EMC1: variants seen among roughly 807,000 people sequenced by gnomAD.
EMC1 encodes the protein KIAA0090.
In EMC1, 103 loss-of-function variants were observed where a neutral mutation model predicts 128.8. That is an observed-to-expected ratio of 0.80 (90% CI 0.68 to 0.94). The LOEUF (loss-of-function observed/expected upper bound fraction) is 0.94. EMC1 is among the 40% of genes least tolerant of loss of function. EMC1 has a pLI of 0.00. For missense variants in EMC1, 1,083 were observed against 1,250.6 expected (o/e 0.87, Z 2.02); for synonymous variants, 442 against 490.4 (o/e 0.90, Z 1.30).
At chr1:19,235,070 T>G in intron 13 of EMC1, 60 bp downstream of exon 13, 1 of 1,584,822 alleles carries the variant, frequency 6.3e-7, no homozygotes. Flanking sequence ...GTGTCTCTTG[T>G]GGTCATTTCC....
chr1:19,243,424 A>ACT (rs1364189667), intron 4 of EMC1, among the ~76,000 whole-genome samples, 190 bp downstream of exon 4: 2 of 152,196 alleles, frequency 1.3e-5, no homozygotes, highest in African/African-American at 4.8e-5. Flanking sequence ...GCACCTAGAA[A>ACT]CTCTGCATCT....
At chr1:19,233,595 G>A (rs1296694096) in intron 13 of EMC1, among the ~76,000 whole-genome samples, 2 of 152,198 alleles carry the variant, frequency 1.3e-5, no homozygotes, top group African/African-American at 2.4e-5. Context: ...TACTTTGTCA[G>A]CTGTTTAACC....
intron 17 of EMC1, 65 bp downstream of exon 17, chr1:19,230,779 G>T: frequency 6.3e-7 from 1 of 1,599,090 alleles, no homozygotes; most frequent in Non-Finnish European, 8.5e-7. Context: ...TCACTTCTTA[G>T]CCAAATGGCC....
At position 19,218,316 on chromosome 1, in the gene EMC1, T is replaced by G. The variant is rs2093407326; in HGVS notation, c.*987A>C. 6.6e-6 allele frequency: 1 copy of G among 152,196 alleles called. No homozygotes were observed. The highest frequency in any genetic ancestry group is 2.1e-4 in the South Asian group (1 of 4,830). The allele number at this position is 152,196 out of a possible 1,614,324, so 9.4% of individuals were successfully genotyped here. A position where few individuals can be genotyped will look rare whatever the true frequency, so the allele number is the denominator to read the frequency against. ...GTATGCCAGTTTCCCACCCCTACCC[T>G]CTTTCTCCTTTTTTAAAGCTTCAAA... On this transcript the variant is annotated 3_prime_UTR_variant, in exon 23 of 23. Transcript: ENST00000477853.
intron 15 of EMC1, 122 bp downstream of exon 15, chr1:19,232,502 G>A (rs1398186896): frequency 8.9e-7 from 1 of 1,129,056 alleles, no homozygotes; most frequent in Non-Finnish European, 1.3e-6. Context: ...AAGAAACAGA[G>A]TTCTAACCCC....
rs760565821 is a variant in EMC1, at chr1:19,244,033, T to C, written c.221-18A>G. Reference sequence around the variant, plus strand: ...GCGCCACACTGAGAGACATGAAAGTTAGACATTACTATGAACAAAAGGTGG... The same window carrying C: ...GCGCCACACTGAGAGACATGAAAGTCAGACATTACTATGAACAAAAGGTGG... On this transcript the variant is annotated intron_variant, in intron 2 of 22. Coordinates refer to ENST00000477853, the MANE Select transcript of EMC1 (RefSeq NM_015047.3). 51 of 1,613,450 alleles carry C rather than the reference T, an allele frequency of 3.2e-5. 1 individual carries two copies. Among genetic ancestry groups the C allele is most frequent in the East Asian group, 2.2e-5 (1 of 44,896 alleles).
At position 19,240,408 on chromosome 1, in the gene EMC1, T is replaced by C; in HGVS notation, c.675A>G (p.Gly225=). The change falls in exon 7 of 23, where the codon GGA becomes GGG. Residue 225 remains glycine (G), a synonymous_variant. Coordinates refer to ENST00000477853, the MANE Select transcript of EMC1 (RefSeq NM_015047.3). ...CAGCCTCATCCACCACACCACAGGC[T>C]CCAGACAGGTGCTGCAGCCACGGAG... The part of the protein sequence containing the change: ...VSTPWLQHLS[G]ACGVVDEAVL... 1 of 1,614,136 alleles carries C rather than the reference T, an allele frequency of 6.2e-7. No individual in the cohort carries two copies.
rs2093406213 is a variant in EMC1 at position 19,218,096 on chromosome 1, G to T, written c.*1207C>A. On this transcript the variant is annotated 3_prime_UTR_variant, in exon 23 of 23. Transcript: ENST00000477853. ...AAAGAGGACTTAAACAGTGTCATTT[G>T]TCACTTGCTTTATGCAAACATTCGA... 1 of 152,188 alleles carries T rather than the reference G, an allele frequency of 6.6e-6. No homozygotes were observed. Among genetic ancestry groups the T allele is most frequent in the Admixed American group, 6.5e-5 (1 of 15,276 alleles). The allele number at this position is 152,188 out of a possible 1,614,324, so 9.4% of individuals were successfully genotyped here.
chr1:19,232,090 T>C (rs59953698), intron 15 of EMC1, among the ~76,000 whole-genome samples: 73,990 of 151,966 alleles, frequency 0.49, 20,117 homozygotes, highest in East Asian at 0.72. Flanking sequence ...GGTGAGACCC[T>C]GTCTCTACTA....
intron 10 of EMC1, 28 bp downstream of exon 10, chr1:19,238,767 T>C: frequency 1.3e-6 from 2 of 1,544,526 alleles, no homozygotes; most frequent in Non-Finnish European, 1.8e-6. Flanking sequence ...TCTCTAGGTC[T>C]GGCATACTGC....
In EMC1 at chr1:19,216,760, G is replaced by A. The variant is rs993920106; in HGVS notation, c.*2543C>T. Reference sequence around the variant, plus strand: ...GGCTGGAATGCAGTAGCATGTTCATGGCTCACTGCAGCCTCGACCTCCCAG... The same window carrying A: ...GGCTGGAATGCAGTAGCATGTTCATAGCTCACTGCAGCCTCGACCTCCCAG... On this transcript the variant is annotated 3_prime_UTR_variant, in exon 23 of 23. Transcript: ENST00000477853. 6.6e-6 allele frequency: 1 copy of A among 152,180 alleles called. No individual in the cohort carries two copies. The highest frequency in any genetic ancestry group is 2.4e-5 in the African/African-American group (1 of 41,408). 9.4% of individuals were successfully genotyped at this position (152,180 alleles called of 1,614,324 possible).
At chr1:19,240,038 C>CCAT (rs999233920) in intron 7 of EMC1, 53 bp from the exon 8 acceptor site, 7 of 1,535,610 alleles carry the variant, frequency 4.6e-6, no homozygotes, top group Non-Finnish European at 5.3e-6. Context: ...ACTCCCTGAC[C>CCAT]CATCCCAGGC....
intron 17 of EMC1, among the ~76,000 whole-genome samples, chr1:19,228,408 C>G (rs971270463): frequency 1.3e-5 from 2 of 152,068 alleles, no homozygotes; most frequent in African/African-American, 4.8e-5. Context: ...TGTTTATGGT[C>G]ATAGGAAACC....
chr1:19,234,234 C>T (rs949059944), intron 13 of EMC1: 1 of 978,226 alleles, frequency 1.0e-6, no homozygotes, highest in African/African-American at 1.8e-5. Context: ...AATTAATCCT[C>T]AGCTTAAGAA....
chr1:19,242,269 C>T (rs779981152), intron 5 of EMC1, 76 bp downstream of exon 5: 18 of 1,533,892 alleles, frequency 1.2e-5, no homozygotes, highest in Middle Eastern at 1.7e-4. Context: ...GCAAATGCTT[C>T]GGGTCCCTCG....
rs1265014958 is a variant in EMC1, at chr1:19,216,814, C to G, written c.*2489G>C. The G allele has an allele frequency of 6.6e-6, 1 of 152,318 alleles. No homozygotes were observed. The highest frequency in any genetic ancestry group is 2.4e-5 in the African/African-American group (1 of 41,450). The allele number at this position is 152,318 out of a possible 1,614,324, so 9.4% of individuals were successfully genotyped here. A position where few individuals can be genotyped will look rare whatever the true frequency, so the allele number is the denominator to read the frequency against. ...CAAGTGATCCTCCTACCTCAGCCTC[C>G]TGAGTAGCTAGGACCACAGGCACAT... On this transcript the variant is annotated 3_prime_UTR_variant, in exon 23 of 23. Transcript: ENST00000477853.
At chr1:19,219,805 A>C in intron 21 of EMC1, 107 bp from the exon 22 acceptor site, 3 of 1,311,976 alleles carry the variant, frequency 2.3e-6, no homozygotes, top group Non-Finnish European at 3.2e-6. Context: ...TCTAGCCTCA[A>C]ATCTCCTAGG....
chr1:19,246,347 G>A (rs146103270), intron 1 of EMC1, among the ~76,000 whole-genome samples: 1 of 152,244 alleles, frequency 6.6e-6, no homozygotes, highest in Non-Finnish European at 1.5e-5. Flanking sequence ...CCAAGATCGT[G>A]TCACTGAACT....
chr1:19,241,252 G>A (rs1329714482), intron 5 of EMC1, 110 bp from the exon 6 acceptor site: 6 of 1,298,360 alleles, frequency 4.6e-6, no homozygotes, highest in African/African-American at 1.5e-5. Flanking sequence ...TTCCCAAATA[G>A]GTTTTGTTTG....
Sources: gnomAD v4.1 joint callset for allele counts (sites outside exome capture counted in the v4.1 genomes callset) on GRCh38, gnomAD v4.1.1 for gene constraint, MANE v1.5 for transcripts, NCBI Gene and HGNC (gene_info 2026-07-23, HGNC 2026-07-21) for gene names.